PPL: variants seen among roughly 807,000 people sequenced by gnomAD.
PPL encodes 190 kDa paraneoplastic pemphigus antigen.
Under a neutral mutation model 194.4 loss-of-function variants are expected in PPL, and 198 were observed. The ratio of observed to expected loss-of-function variants is 1.02; its 90% CI spans 0.91 to 1.15. The LOEUF is 1.15. Among genes scored for constraint, PPL ranks in the 50% most tolerant of loss-of-function variants. The pLI, the probability that PPL is intolerant of heterozygous loss-of-function variation, is 0.00. For missense variants in PPL, 2,885 were observed against 2,294.8 expected, an observed-to-expected ratio of 1.26 and a Z score of -5.25; for synonymous variants, 1,220 against 972.4, an observed-to-expected ratio of 1.25 and a Z score of -4.74.
rs1053048350 is a variant in PPL, at chr16:4,890,673, G to A, written c.2162+55C>T. Reference sequence around the variant, plus strand: ...ACACGGCTAAAGCATTGCTTAGAGGGAATTAGATCGCATTCTCAGAAAACA... The same window carrying A: ...ACACGGCTAAAGCATTGCTTAGAGGAAATTAGATCGCATTCTCAGAAAACA... On this transcript the variant is annotated intron_variant, in intron 17 of 21. Coordinates refer to ENST00000345988, the MANE Select transcript of PPL (RefSeq NM_002705.5). 7.8e-6 allele frequency: 12 copies of A among 1,533,646 alleles called. No individual in the cohort carries two copies. The East Asian group carries it at 1.6e-4, about 21-fold the overall frequency.
At chr16:4,936,384 G>A (rs1239811755) in intron 1 of PPL, among the ~76,000 whole-genome samples, 1 of 152,128 alleles carries the variant, frequency 6.6e-6, no homozygotes, top group Non-Finnish European at 1.5e-5. Context: ...GCTCTGGCGC[G>A]CAGGGTGGCA....
At chr16:4,919,186 T>C (rs145605531) in intron 1 of PPL, among the ~76,000 whole-genome samples, 1,562 of 152,322 alleles carry the variant, frequency 0.01, 100 homozygotes, top group Admixed American at 0.085. Flanking sequence ...CAGTGGCCGC[T>C]GGCCCTCGAA....
chr16:4,927,617 T>G (rs1467389959), intron 1 of PPL, among the ~76,000 whole-genome samples: 1 of 152,268 alleles, frequency 6.6e-6, no homozygotes, highest in African/African-American at 2.4e-5. Context: ...ATTGGTCAAT[T>G]GACTGATTCT....
At chr16:4,888,921 G>T in intron 19 of PPL, 57 bp downstream of exon 19, 2 of 1,536,070 alleles carry the variant, frequency 1.3e-6, no homozygotes, top group Middle Eastern at 2.3e-4. Context: ...TCTGACCAGG[G>T]CACGGTGGAA....
At position 4,894,500 on chromosome 16, in the gene PPL, G is replaced by A. The variant is rs764028773; in HGVS notation, c.1361C>T (p.Pro454Leu). The A allele has an allele frequency of 1.2e-6, 2 of 1,613,774 alleles. No homozygotes were observed. The highest frequency in any genetic ancestry group is 1.7e-6 in the Non-Finnish European group (2 of 1,179,972). Reference sequence around the variant, plus strand: ...CAGAGCCAGGGCCTCAGGGTCTGTGGGGGGGATCACAAAACACACGGCCGG... The same window carrying A: ...CAGAGCCAGGGCCTCAGGGTCTGTGAGGGGGATCACAAAACACACGGCCGG... ...IAPAVCFVIP[P>L]TDPEALALAD... The change falls in exon 12 of 22, where the codon CCC (proline) becomes CTC (leucine). Residue 454 changes from proline to leucine, a missense_variant. Transcript: ENST00000345988.
intron 19 of PPL, chr16:4,888,603 A>G (rs1596545179): frequency 3.1e-6 from 1 of 318,052 alleles, no homozygotes; most frequent in Non-Finnish European, 5.8e-6. Flanking sequence ...CATCAGGTGG[A>G]TGTGTGCTGA....
At position 4,894,078 on chromosome 16, in the gene PPL, C is replaced by T. The variant is rs116870370; in HGVS notation, c.1394+389G>A. 8.4e-3 allele frequency among the ~76,000 whole-genome samples: 1,273 copies of T among 152,288 alleles called. 9 individuals carry two copies. The highest frequency in any genetic ancestry group is 0.012 in the Non-Finnish European group (802 of 68,024). ...CAATGAGACTGACGCATACGCTAGT[C>T]ACTTAATAAAAAGCGGTGCGTGCAG... On this transcript the variant is annotated intron_variant, in intron 12 of 21. Coordinates refer to ENST00000345988, the MANE Select transcript of PPL (RefSeq NM_002705.5).
rs147888710 is a variant in PPL at position 4,892,122 on chromosome 16, C to T, written c.1742G>A (p.Gly581Asp). The T allele has an allele frequency of 1.4e-4, 224 of 1,613,498 alleles. No individual in the cohort carries two copies. Among genetic ancestry groups the T allele is most frequent in the Middle Eastern group, 3.3e-4 (2 of 6,062 alleles). ...CCGGGTCCTCAGCAGGGGTGTGGTG[C>T]CACTGCCTGGGAGGGCCTGGATGAA... ...EAFIQALPGS[G>D]TTPLLRTRVE... The change falls in exon 15 of 22, where the codon GGC becomes GAC. Residue 581 changes from glycine (G) to aspartate (D), a missense_variant. Physicochemically the swap from Gly to Asp is moderately conservative, Grantham distance 94 (BLOSUM62 -1). Coordinates refer to ENST00000345988, the MANE Select transcript of PPL (RefSeq NM_002705.5).
chr16:4,920,784 G>T (rs1462201693), intron 1 of PPL, among the ~76,000 whole-genome samples: 2 of 152,022 alleles, frequency 1.3e-5, no homozygotes, highest in Non-Finnish European at 2.9e-5. Flanking sequence ...TAATTTTTTT[G>T]TAGACATGGA....
chr16:4,887,509 C>CT (rs1428106570), intron 20 of PPL, among the ~76,000 whole-genome samples: 3 of 152,172 alleles, frequency 2.0e-5, no homozygotes, highest in Non-Finnish European at 4.4e-5. Flanking sequence ...GTACAGGAGA[C>CT]TAATATCAGC....
intron 1 of PPL, among the ~76,000 whole-genome samples, chr16:4,916,796 C>T (rs1423206473): frequency 4.6e-5 from 7 of 152,240 alleles, no homozygotes; most frequent in African/African-American, 1.2e-4. Context: ...TGAGCCACTG[C>T]ACCCAGCCCA....
chr16:4,908,342 A>G (rs2088744436), intron 2 of PPL, among the ~76,000 whole-genome samples: 1 of 152,126 alleles, frequency 6.6e-6, no homozygotes, highest in Non-Finnish European at 1.5e-5. Context: ...AAAAAAATAA[A>G]ATAAAAATGG....
chr16:4,884,844 G>T lies in PPL; in HGVS notation c.3811C>A (p.Gln1271Lys). The T allele has an allele frequency of 1.2e-6, 2 of 1,614,072 alleles. No homozygotes were observed. The highest frequency in any genetic ancestry group is 8.5e-7 in the Non-Finnish European group (1 of 1,180,010). Residue 1271 changes from glutamine (Q) to lysine (K), a missense_variant, in exon 22 of 22, where the codon CAG becomes AAG. Gln to Lys is a moderately conservative substitution (Grantham distance 53). Transcript: ENST00000345988. The surrounding 1 kb of genome is among the most constrained non-coding windows in gnomAD (Gnocchi z 5.7). ...LIERCDLEIY[Q>K]LKKEIQALKD... Reference sequence around the variant, plus strand: ...AGGGCCTGGATTTCCTTTTTCAGCTGGTAGATCTCTAAATCACACCTTTCG... The same window carrying T: ...AGGGCCTGGATTTCCTTTTTCAGCTTGTAGATCTCTAAATCACACCTTTCG...
chr16:4,911,437 C>T (rs892423226), intron 1 of PPL, among the ~76,000 whole-genome samples: 1 of 152,242 alleles, frequency 6.6e-6, no homozygotes. Flanking sequence ...GCTGGGATTA[C>T]AGGCGTGAGC....
rs1409004913 is a variant in PPL at position 4,892,083 on chromosome 16, T to A, written c.1781A>T (p.Asn594Ile). The A allele has an allele frequency of 2.5e-6, 4 of 1,613,804 alleles. No individual in the cohort carries two copies. Among genetic ancestry groups the A allele is most frequent in the Middle Eastern group, 1.6e-4 (1 of 6,062 alleles). ...CTGCAGGAGGTGCTCGTATTTCCGG[T>A]TGGTGTCCTCCACCCGGGTCCTCAG... Reference protein sequence around the residue: ...PLLRTRVEDTNRKYEHLLQLL... With the variant: ...PLLRTRVEDTIRKYEHLLQLL... The change falls in exon 15 of 22, where the codon AAC becomes ATC. Residue 594 changes from asparagine to isoleucine, a missense_variant. Coordinates refer to ENST00000345988, the MANE Select transcript of PPL (RefSeq NM_002705.5).
At chr16:4,915,390 C>A (rs553369376) in intron 1 of PPL, among the ~76,000 whole-genome samples, 2 of 152,242 alleles carry the variant, frequency 1.3e-5, no homozygotes, top group Non-Finnish European at 2.9e-5. Flanking sequence ...TGTCCTCTGG[C>A]GATGACCACA....
chr16:4,892,514 A>G (rs975498552), intron 14 of PPL, among the ~76,000 whole-genome samples: 3 of 152,120 alleles, frequency 2.0e-5, no homozygotes, highest in Admixed American at 2.0e-4. Context: ...CTTTGCGGCA[A>G]CCCCGGGAGG....
At chr16:4,910,536 G>T (rs2088798090) in intron 2 of PPL, among the ~76,000 whole-genome samples, 1 of 152,150 alleles carries the variant, frequency 6.6e-6, no homozygotes, top group South Asian at 2.1e-4. Context: ...CAGGAAGAGG[G>T]AGGAACTTAG....
chr16:4,889,064 G>A lies in PPL; in HGVS notation c.2314-3C>T. 1.9e-6 allele frequency: 3 copies of A among 1,612,972 alleles called. No individual in the cohort carries two copies. The highest frequency in any genetic ancestry group is 1.3e-5 in the African/African-American group (1 of 74,948). ...CTTGCTATCTCATCTAGCAGGTTCT[G>A]TAAGACAGAGTTTAAAAATCAAAAC... On this transcript the variant is annotated splice_polypyrimidine_tract_variant and splice_region_variant and intron_variant, in intron 18 of 21. Transcript: ENST00000345988.
Sources: allele counts gnomAD v4.1 joint callset (sites outside exome capture counted in the v4.1 genomes callset), GRCh38; gene constraint gnomAD v4.1.1; non-coding constraint Gnocchi (gnomAD v3.1); transcripts MANE v1.5; gene names NCBI Gene and HGNC (gene_info 2026-07-23, HGNC 2026-07-21).